The following CCDC73 variants were observed in gnomAD, a reference collection of about 807,000 sequenced individuals.
CCDC73 encodes coiled-coil domain containing 73.
A neutral mutation model predicts 116.5 loss-of-function variants in CCDC73; 95 were observed. That is an observed-to-expected ratio of 0.82 (90% CI 0.69 to 0.97). The LOEUF (loss-of-function observed/expected upper bound fraction) is 0.97, where lower values mean the gene tolerates loss of function less well. CCDC73 is among the 50% of genes least tolerant of loss of function. The probability of loss-of-function intolerance (pLI) is 0.00; values close to 1 mark genes in which losing one functional copy is unlikely to be tolerated. For missense variants in CCDC73, 1,066 were observed against 1,206.8 expected (o/e 0.88, Z 1.73); for synonymous variants, 398 against 401.3 (o/e 0.99, Z 0.10).
intron 14 of CCDC73, among the ~76,000 whole-genome samples, chr11:32,624,723 A>G (rs139100578): frequency 0.048 from 7,281 of 152,332 alleles, 198 homozygotes; most frequent in African/African-American, 0.063. Context: ...ATACGTGCAC[A>G]CGTATGTTTG....
At chr11:32,671,031 A>G (rs947160130) in intron 9 of CCDC73, among the ~76,000 whole-genome samples, 1 of 152,238 alleles carries the variant, frequency 6.6e-6, no homozygotes, top group African/African-American at 2.4e-5. Context: ...TAGACTTTAT[A>G]AGCCTTTAAA....
chr11:32,806,807 G>T, the CCDC73 span, among the ~76,000 whole-genome samples: 3 of 152,114 alleles, frequency 2.0e-5, no homozygotes, highest in East Asian at 5.8e-4. Context: ...TAAGAATTCT[G>T]ATCTGATAGG....
chr11:32,783,943 T>C (rs537644340), intron 1 of CCDC73, among the ~76,000 whole-genome samples: 11 of 152,314 alleles, frequency 7.2e-5, no homozygotes, highest in African/African-American at 2.4e-4. Flanking sequence ...CTCAACACAA[T>C]GGTATTAATA....
At chr11:32,735,126 A>C (rs375101140) in intron 2 of CCDC73, among the ~76,000 whole-genome samples, 3 of 152,264 alleles carry the variant, frequency 2.0e-5, no homozygotes, top group African/African-American at 2.4e-5. Context: ...GGGATGCCCT[A>C]TCTCACCACT....
At chr11:32,818,919 G>T in the CCDC73 span, among the ~76,000 whole-genome samples, 1 of 152,168 alleles carries the variant, frequency 6.6e-6, no homozygotes, top group Non-Finnish European at 1.5e-5. Flanking sequence ...AATGGGAAAT[G>T]GGGAGTGACT....
intron 1 of CCDC73, among the ~76,000 whole-genome samples, chr11:32,764,349 A>G (rs1850421020): frequency 1.3e-5 from 2 of 152,224 alleles, no homozygotes; most frequent in African/African-American, 4.8e-5. Flanking sequence ...AAAAATGTTA[A>G]GGGCAGCCAG....
Position 32,614,773 on chromosome 11 carries a change from T to A in CCDC73, c.1545A>T (p.Glu515Asp). The change falls in exon 16 of 18, where the codon GAA becomes GAT. Residue 515 changes from glutamate (E) to aspartate (D), a missense_variant. Coordinates refer to ENST00000335185, the MANE Select transcript of CCDC73 (RefSeq NM_001008391.4). ...TTTCCAAGCATATCTTGTCTTTTATTTCTGTAGTAACTGATTTTCTGTTGT... is the reference window on the plus strand; with the variant it reads ...TTTCCAAGCATATCTTGTCTTTTATATCTGTAGTAACTGATTTTCTGTTGT... ...VTDNRKSVTT[E>D]IKDKICLEKD... 1 of 1,613,426 alleles carries A rather than the reference T, an allele frequency of 6.2e-7. No individual in the cohort carries two copies. The highest frequency in any genetic ancestry group is 8.5e-7 in the Non-Finnish European group (1 of 1,179,674).
intron 14 of CCDC73, among the ~76,000 whole-genome samples, chr11:32,623,802 T>G (rs1241811854): frequency 6.6e-6 from 1 of 152,228 alleles, no homozygotes; most frequent in Non-Finnish European, 1.5e-5. Flanking sequence ...TTTTTGTTAT[T>G]TGTTTACTTT....
intron 6 of CCDC73, among the ~76,000 whole-genome samples, chr11:32,686,051 A>G (rs1020658925): frequency 6.6e-6 from 1 of 151,842 alleles, no homozygotes; most frequent in Non-Finnish European, 1.5e-5. Context: ...TCACTCTATT[A>G]CATTCACATT....
intron 1 of CCDC73, among the ~76,000 whole-genome samples, chr11:32,785,764 A>T (rs1850622133): frequency 6.6e-6 from 1 of 152,176 alleles, no homozygotes; most frequent in African/African-American, 2.4e-5. Flanking sequence ...TGCTTTTGAA[A>T]AAGAAATATG....
At chr11:32,626,969 T>C (rs998444602) in intron 14 of CCDC73, among the ~76,000 whole-genome samples, 2 of 152,078 alleles carry the variant, frequency 1.3e-5, no homozygotes, top group African/African-American at 2.4e-5. Flanking sequence ...TCAAAATTGA[T>C]AAATGGGATC....
intron 16 of CCDC73, among the ~76,000 whole-genome samples, chr11:32,612,005 T>C (rs1175703497): frequency 6.6e-6 from 1 of 152,168 alleles, no homozygotes; most frequent in Non-Finnish European, 1.5e-5. Context: ...CCTTGAAAAA[T>C]TGCAGTTTGG....
At chr11:32,736,077 T>C (rs1850126815) in intron 2 of CCDC73, among the ~76,000 whole-genome samples, 1 of 152,078 alleles carries the variant, frequency 6.6e-6, no homozygotes, top group Non-Finnish European at 1.5e-5. Flanking sequence ...ACCTAGGCAA[T>C]ACCATTCAGG....
At chr11:32,785,250 T>G (rs1023020836) in intron 1 of CCDC73, among the ~76,000 whole-genome samples, 2 of 152,196 alleles carry the variant, frequency 1.3e-5, no homozygotes, top group African/African-American at 4.8e-5. Flanking sequence ...ATAAAACTCT[T>G]GTTTTAATTT....
chr11:32,792,541 A>G (rs2133409027), intron 1 of CCDC73, among the ~76,000 whole-genome samples: 1 of 152,304 alleles, frequency 6.6e-6, no homozygotes, highest in Admixed American at 6.5e-5. Context: ...TTATTGAAGC[A>G]TCTCACAGGA....
At chr11:32,617,046 C>A (rs1855480653) in intron 14 of CCDC73, among the ~76,000 whole-genome samples, 1 of 152,040 alleles carries the variant, frequency 6.6e-6, no homozygotes, top group Non-Finnish European at 1.5e-5. Context: ...TACTTAAGAG[C>A]AAGCAAGATT....
rs115409714 is a variant in CCDC73, at chr11:32,704,081, A to G, written c.208-1137T>C. 7.2e-3 allele frequency among the ~76,000 whole-genome samples: 1,089 copies of G among 152,306 alleles called. 17 individuals are homozygous for G. The highest frequency in any genetic ancestry group is 0.025 in the African/African-American group (1,050 of 41,574). ...GTTGCGGCCAAGGCTACGGCTCTGCAAAGTCAGTGGGGGCTGGGAACAGGT... is the reference window on the plus strand; with the variant it reads ...GTTGCGGCCAAGGCTACGGCTCTGCGAAGTCAGTGGGGGCTGGGAACAGGT... On this transcript the variant is annotated intron_variant, in intron 3 of 17. Transcript: ENST00000335185.
At chr11:32,676,660 C>T (rs886900235) in intron 7 of CCDC73, among the ~76,000 whole-genome samples, 1 of 152,178 alleles carries the variant, frequency 6.6e-6, no homozygotes, top group Non-Finnish European at 1.5e-5. Flanking sequence ...TGGCACATGC[C>T]TGTAGTCCTA....
chr11:32,687,403 T>C (rs1427771204), intron 6 of CCDC73, among the ~76,000 whole-genome samples: 2 of 152,018 alleles, frequency 1.3e-5, no homozygotes, highest in Non-Finnish European at 2.9e-5. Flanking sequence ...AAGGAGGACA[T>C]CCACATAAGG....
Sources: allele counts gnomAD v4.1 joint callset (sites outside exome capture counted in the v4.1 genomes callset), GRCh38; gene constraint gnomAD v4.1.1; transcripts MANE v1.5; gene names NCBI Gene and HGNC (gene_info 2026-07-23, HGNC 2026-07-21).